The following CELF1 variants were observed in gnomAD, a reference collection of about 807,000 sequenced individuals.
The protein encoded by CELF1 is CUGBP Elav-like family member 1, also known as 50 kDa nuclear polyadenylated RNA-binding protein.
Under a neutral mutation model 61.8 loss-of-function variants are expected in CELF1, and 10 were observed. The observed-to-expected ratio is 0.16, with a 90% CI of 0.10 to 0.27. The LOEUF (loss-of-function observed/expected upper bound fraction) is 0.27, where lower values mean the gene tolerates loss of function less well. CELF1 is among the 10% of genes least tolerant of loss of function. The pLI, the probability that CELF1 is intolerant of heterozygous loss-of-function variation, is 1.00. For missense variants in CELF1, 380 were observed against 639.1 expected, an observed-to-expected ratio of 0.59 and a Z score of 4.37; for synonymous variants, 236 against 225.1, an observed-to-expected ratio of 1.05 and a Z score of -0.43.
intron 1 of CELF1, among the ~76,000 whole-genome samples, chr11:47,534,022 C>CTTTTTTTTTTT (rs71042679): frequency 9.1e-5 from 8 of 87,616 alleles, no homozygotes; most frequent in Admixed American, 1.6e-4. Context: ...TTTTTCTTTC[C>CTTTTTTTTTTT]TTTTTTTTTT....
chr11:47,516,265 T>C (rs2095547691), intron 1 of CELF1, among the ~76,000 whole-genome samples: 1 of 152,146 alleles, frequency 6.6e-6, no homozygotes. Context: ...GTTTTTTGAA[T>C]TGGTCAAGAT....
At position 47,509,764 on chromosome 11, in the gene CELF1, C is replaced by T. The variant is rs373690819; in HGVS notation, c.-153-8832G>A. Among the ~76,000 whole-genome samples, 22 of 152,058 alleles carry T rather than the reference C, an allele frequency of 1.4e-4. No individual in the cohort carries two copies. In the South Asian group the frequency reaches 3.3e-3, roughly 23 times the overall value. On this transcript the variant is annotated intron_variant, in intron 1 of 14. Transcript: ENST00000687097. ...ACATTAGGCCAGATGCAGTGGCTCACGCCTGTAATCCTAGCACTTTGGGAG... is the reference window on the plus strand; with the variant it reads ...ACATTAGGCCAGATGCAGTGGCTCATGCCTGTAATCCTAGCACTTTGGGAG...
Position 47,475,606 on chromosome 11 carries a change from G to A in CELF1, c.1088-85C>T, listed in dbSNP as rs534494151. On this transcript the variant is annotated intron_variant, in intron 12 of 14. Transcript: ENST00000687097. Reference sequence around the variant, plus strand: ...AGTCTACTTGGGACATCTAGAAGAGGGAAAACTCCAAAGTTCTCCCCTTTA... The same window carrying A: ...AGTCTACTTGGGACATCTAGAAGAGAGAAAACTCCAAAGTTCTCCCCTTTA... 8.8e-6 allele frequency: 12 copies of A among 1,369,204 alleles called. No individual in the cohort carries two copies. In the East Asian group the frequency reaches 2.5e-4, roughly 29 times the overall value. 84.8% of individuals were successfully genotyped at this position (1,369,204 alleles called of 1,614,324 possible). A position where few individuals can be genotyped will look rare whatever the true frequency, so the allele number is the denominator to read the frequency against.
chr11:47,529,894 C>T (rs1009347862), intron 1 of CELF1, among the ~76,000 whole-genome samples: 17 of 152,038 alleles, frequency 1.1e-4, no homozygotes, highest in Admixed American at 7.2e-4. Context: ...GGACTGATAA[C>T]AGGTAGGCAA....
At chr11:47,541,835 A>G (rs1410993944) in intron 1 of CELF1, among the ~76,000 whole-genome samples, 1 of 150,730 alleles carries the variant, frequency 6.6e-6, no homozygotes, top group Non-Finnish European at 1.5e-5. Context: ...AGAAAGAAAG[A>G]AAATGGAAAC....
chr11:47,479,174 T>C (rs531321781), intron 9 of CELF1, among the ~76,000 whole-genome samples: 1 of 151,536 alleles, frequency 6.6e-6, no homozygotes, highest in African/African-American at 2.4e-5. Flanking sequence ...GTATGTTCAC[T>C]GAATACTGAG....
chr11:47,514,324 G>A (rs1201270055), intron 1 of CELF1, among the ~76,000 whole-genome samples: 2 of 152,012 alleles, frequency 1.3e-5, no homozygotes, highest in African/African-American at 2.4e-5. Flanking sequence ...CTCGTAAGCA[G>A]CCATTATTAA....
chr11:47,541,775 AAAGAACG>A lies in CELF1; in HGVS notation c.-154+11210_-154+11216del, dbSNP rs1319961422. On this transcript the variant is annotated intron_variant, in intron 1 of 14. Coordinates refer to ENST00000687097, the MANE Select transcript of CELF1 (RefSeq NM_001376376.1). ...GAAAGAACGAAAGAAAGAACGAAAG[AAAGAACG>A]AAAGAAAGAACGAAAGAAAGAAAGA... Among the ~76,000 whole-genome samples the A allele has an allele frequency of 1.4e-3, 23 of 16,600 alleles. 2 individuals are homozygous for A. Among genetic ancestry groups the A allele is most frequent in the Admixed American group, 2.7e-3 (4 of 1,464 alleles). The allele number at this position is 16,600 out of a possible 152,430, so 10.9% of individuals were successfully genotyped here.
At chr11:47,510,128 G>C (rs2094988873) in intron 1 of CELF1, among the ~76,000 whole-genome samples, 1 of 152,062 alleles carries the variant, frequency 6.6e-6, no homozygotes, top group South Asian at 2.1e-4. Flanking sequence ...CAAGCTAGCT[G>C]AGAGTTCCAA....
At chr11:47,487,096 G>T in intron 5 of CELF1, 63 bp downstream of exon 5, 1 of 1,273,920 alleles carries the variant, frequency 7.8e-7, no homozygotes, top group Non-Finnish European at 1.1e-6. Context: ...TGTCTGATAT[G>T]TGTAAGTATA....
chr11:47,527,618 T>C (rs1271136584), intron 1 of CELF1, among the ~76,000 whole-genome samples: 1 of 152,218 alleles, frequency 6.6e-6, no homozygotes, highest in East Asian at 1.9e-4. Context: ...TTGTATATAC[T>C]GACTTCATTG....
intron 1 of CELF1, among the ~76,000 whole-genome samples, chr11:47,509,980 T>C (rs921540645): frequency 6.6e-6 from 1 of 151,230 alleles, no homozygotes; most frequent in African/African-American, 2.4e-5. Context: ...AAGAATCACT[T>C]GAACTCGGGA....
intron 4 of CELF1, 117 bp downstream of exon 4, chr11:47,488,720 A>G: frequency 1.4e-6 from 1 of 721,184 alleles, no homozygotes; most frequent in Non-Finnish European, 2.1e-6. Flanking sequence ...GAGAATGCAC[A>G]TGAAAGAAAT....
rs2077457932 is a variant in CELF1 at position 47,470,548 on chromosome 11, C to T, written c.*1682G>A. 6.6e-6 allele frequency: 1 copy of T among 152,196 alleles called. No homozygotes were observed. Among genetic ancestry groups the T allele is most frequent in the African/African-American group, 2.4e-5 (1 of 41,438 alleles). The allele number at this position is 152,196 out of a possible 1,614,324, so 9.4% of individuals were successfully genotyped here. On this transcript the variant is annotated 3_prime_UTR_variant, in exon 15 of 15. Coordinates refer to ENST00000687097, the MANE Select transcript of CELF1 (RefSeq NM_001376376.1). ...GCTTCAATGGGATAATCCAACACCACCAGCTACCTGTACAACAGTAAGATG... is the reference window on the plus strand; with the variant it reads ...GCTTCAATGGGATAATCCAACACCATCAGCTACCTGTACAACAGTAAGATG...
intron 1 of CELF1, among the ~76,000 whole-genome samples, chr11:47,546,041 G>A (rs2153743438): frequency 6.6e-6 from 1 of 151,322 alleles, no homozygotes; most frequent in South Asian, 2.1e-4. Flanking sequence ...CTCCCAAGTA[G>A]CTGCGACTAC....
intron 1 of CELF1, among the ~76,000 whole-genome samples, chr11:47,520,495 A>G (rs111364847): frequency 2.6e-5 from 4 of 152,224 alleles, no homozygotes; most frequent in African/African-American, 9.6e-5. Context: ...TCTCCGGAAG[A>G]TGTGTGGTGC....
intron 2 of CELF1, among the ~76,000 whole-genome samples, chr11:47,560,379 A>T (rs2097221446): frequency 6.6e-6 from 1 of 152,186 alleles, no homozygotes; most frequent in South Asian, 2.1e-4. Context: ...GCGCCACTGC[A>T]CTCCAGCCTG....
chr11:47,515,568 C>T (rs751420886), intron 1 of CELF1, among the ~76,000 whole-genome samples: 1 of 152,164 alleles, frequency 6.6e-6, no homozygotes, highest in African/African-American at 2.4e-5. Context: ...TATGTTAGTA[C>T]CATGTAGGCA....
intron 1 of CELF1, among the ~76,000 whole-genome samples, chr11:47,528,732 C>T (rs1343503518): frequency 6.6e-6 from 1 of 151,970 alleles, no homozygotes; most frequent in East Asian, 1.9e-4. Flanking sequence ...AAAACAAAAG[C>T]CACAAAAATT....
Sources: gnomAD v4.1 joint callset for allele counts (sites outside exome capture counted in the v4.1 genomes callset) on GRCh38, gnomAD v4.1.1 for gene constraint, MANE v1.5 for transcripts, NCBI Gene and HGNC (gene_info 2026-07-23, HGNC 2026-07-21) for gene names.